Variants in UNC13C observed in about 807,000 individuals in gnomAD.
UNC13C encodes protein unc-13 homolog C.
A neutral mutation model predicts 245.4 loss-of-function variants in UNC13C; 174 were observed. The observed-to-expected ratio is 0.71, with a 90% CI of 0.63 to 0.80. The LOEUF (loss-of-function observed/expected upper bound fraction) is 0.80. Among genes scored for constraint, UNC13C ranks in the 30% least tolerant of loss-of-function variants. The pLI, the probability that UNC13C is intolerant of heterozygous loss-of-function variation, is 0.00. For missense variants in UNC13C, 2,829 were observed against 2,602.9 expected (o/e 1.09, Z -1.89); for synonymous variants, 992 against 895.1 (o/e 1.11, Z -1.93).
intron 22 of UNC13C, among the ~76,000 whole-genome samples, chr15:54,505,278 G>A: frequency 6.6e-6 from 1 of 152,114 alleles, no homozygotes; most frequent in East Asian, 1.9e-4. Context: ...GCCTTGCCAG[G>A]TGCCCCGTCC....
chr15:54,298,854 G>A (rs2037502666), intron 12 of UNC13C, among the ~76,000 whole-genome samples: 1 of 152,030 alleles, frequency 6.6e-6, no homozygotes, highest in Non-Finnish European at 1.5e-5. Context: ...CTCAGAAAAA[G>A]ACAACTGAAA....
At chr15:54,491,556 T>G (rs1389908989) in intron 19 of UNC13C, among the ~76,000 whole-genome samples, 1 of 152,236 alleles carries the variant, frequency 6.6e-6, no homozygotes, top group African/African-American at 2.4e-5. Context: ...GAAAATATAC[T>G]TTCTCACCTT....
chr15:53,985,946 G>A (rs1399570689), intron 1 of UNC13C, among the ~76,000 whole-genome samples: 11 of 151,974 alleles, frequency 7.2e-5, no homozygotes, highest in Admixed American at 7.2e-4. Flanking sequence ...TCCCTCCTGA[G>A]CACATCGAAT....
At chr15:54,616,396 T>G (rs1283256240) in intron 30 of UNC13C, among the ~76,000 whole-genome samples, 1 of 151,808 alleles carries the variant, frequency 6.6e-6, no homozygotes, top group Non-Finnish European at 1.5e-5. Context: ...CCACACATGT[T>G]TGTGGTAATG....
At chr15:54,037,361 C>G (rs1319917621) in intron 2 of UNC13C, among the ~76,000 whole-genome samples, 1 of 152,054 alleles carries the variant, frequency 6.6e-6, no homozygotes, top group Admixed American at 6.5e-5. Flanking sequence ...TAGTTTAAAC[C>G]GTCTGTTCCC....
At chr15:54,237,469 G>T (rs902477946) in intron 6 of UNC13C, 150 bp from the exon 7 acceptor site, 3 of 714,864 alleles carry the variant, frequency 4.2e-6, no homozygotes, top group Admixed American at 2.0e-5. Flanking sequence ...CATATTCTGG[G>T]TGAATCGGCT....
At chr15:54,164,314 T>C (rs1379284530) in intron 4 of UNC13C, among the ~76,000 whole-genome samples, 3 of 152,120 alleles carry the variant, frequency 2.0e-5, no homozygotes, top group Admixed American at 6.6e-5. Context: ...TTTTAAAAAA[T>C]TGTAGTAGCT....
the UNC13C span, among the ~76,000 whole-genome samples, chr15:53,860,936 G>T: frequency 1.3e-5 from 2 of 152,090 alleles, no homozygotes; most frequent in African/African-American, 4.8e-5. Context: ...GCTGAAATAG[G>T]TTCTTTCTAC....
rs1177653939 is a variant in UNC13C, at chr15:54,250,312, A to G, written c.3316A>G (p.Thr1106Ala). ...IPHNFEVWTA[T>A]TPTYCYECEG... is the part of the protein sequence containing the mutation. ...ACACAATTTTGAGGTCTGGACGGCT[A>G]CCACACCCACCTACTGTTATGAGTG... Residue 1106 changes from threonine (T) to alanine (A), a missense_variant, in exon 8 of 33, where the codon ACC becomes GCC. Transcript: ENST00000260323. The G allele has an allele frequency of 1.4e-5, 22 of 1,613,788 alleles. No homozygotes were observed. Among genetic ancestry groups the G allele is most frequent in the Non-Finnish European group, 1.9e-5 (22 of 1,179,862 alleles).
At chr15:54,492,498 A>C (rs1893762228) in intron 19 of UNC13C, among the ~76,000 whole-genome samples, 1 of 152,144 alleles carries the variant, frequency 6.6e-6, no homozygotes, top group Non-Finnish European at 1.5e-5. Context: ...TTAACATAGA[A>C]ATTTACATGC....
chr15:54,468,544 T>C (rs1471220085), intron 19 of UNC13C, among the ~76,000 whole-genome samples: 1 of 151,770 alleles, frequency 6.6e-6, no homozygotes, highest in African/African-American at 2.4e-5. Context: ...GTGAAGATTT[T>C]CCCCTGTGTT....
At chr15:54,322,244 G>T in intron 14 of UNC13C, 149 bp downstream of exon 14, 1 of 664,892 alleles carries the variant, frequency 1.5e-6, no homozygotes, top group South Asian at 3.3e-5. Context: ...AAGTTCATTT[G>T]AAACATTTTT....
chr15:54,322,188 T>A, intron 14 of UNC13C, 93 bp downstream of exon 14: 1 of 1,266,588 alleles, frequency 7.9e-7, no homozygotes, highest in Non-Finnish European at 1.1e-6. Context: ...TGGAATCTTA[T>A]TGCAGAAAGG....
At chr15:53,850,999 A>C in the UNC13C span, among the ~76,000 whole-genome samples, 2 of 151,762 alleles carry the variant, frequency 1.3e-5, no homozygotes, top group Non-Finnish European at 2.9e-5. Flanking sequence ...TTATTTCAGA[A>C]ATTTTATTTT....
chr15:54,010,638 C>T (rs1207732810), intron 1 of UNC13C, among the ~76,000 whole-genome samples: 1 of 152,040 alleles, frequency 6.6e-6, no homozygotes, highest in Admixed American at 6.5e-5. Flanking sequence ...GCTAAAATAA[C>T]GTTTCAAGAA....
the UNC13C span, among the ~76,000 whole-genome samples, chr15:53,847,035 G>A: frequency 2.0e-5 from 3 of 152,068 alleles, no homozygotes; most frequent in East Asian, 5.8e-4. Context: ...TGGTCTACAG[G>A]TACTTGAGTG....
chr15:54,049,835 G>A (rs1477542167), intron 2 of UNC13C: 3 of 246,192 alleles, frequency 1.2e-5, no homozygotes, highest in African/African-American at 2.4e-5. Context: ...ATTGTGAATT[G>A]TACAGTGGGT....
intron 1 of UNC13C, among the ~76,000 whole-genome samples, chr15:53,997,991 C>A (rs566203880): frequency 6.6e-6 from 1 of 151,758 alleles, no homozygotes; most frequent in Non-Finnish European, 1.5e-5. Flanking sequence ...TTTGTAGAGA[C>A]AAGGTTTCGT....
chr15:54,616,015 A>G (rs765134676), intron 30 of UNC13C, among the ~76,000 whole-genome samples: 4 of 152,018 alleles, frequency 2.6e-5, no homozygotes, highest in Non-Finnish European at 5.9e-5. Context: ...TTCCATCTAA[A>G]TATGTTTCAA....
Sources: gnomAD v4.1 joint callset for allele counts (sites outside exome capture counted in the v4.1 genomes callset) on GRCh38, gnomAD v4.1.1 for gene constraint, MANE v1.5 for transcripts, NCBI Gene and HGNC (gene_info 2026-07-23, HGNC 2026-07-21) for gene names.